VAT1L: variants seen among roughly 807,000 people sequenced by gnomAD.
VAT1L encodes the protein putative NADPH-dependent quinone oxidoreductase VAT1L.
Under a neutral mutation model 44.1 loss-of-function variants are expected in VAT1L, and 34 were observed. The ratio of observed to expected loss-of-function variants is 0.77; its 90% CI spans 0.59 to 1.03. VAT1L has a LOEUF of 1.03. VAT1L is among the 50% of genes least tolerant of loss of function. The probability of loss-of-function intolerance (pLI) is 0.00; values close to 1 mark genes in which losing one functional copy is unlikely to be tolerated. For synonymous variants in VAT1L, 253 were observed against 202.2 expected (o/e 1.25, Z -2.13); for missense variants, 615 against 538.8 (o/e 1.14, Z -1.40).
chr16:77,939,219 C>T (rs971908491), intron 7 of VAT1L, among the ~76,000 whole-genome samples: 4 of 152,310 alleles, frequency 2.6e-5, no homozygotes, highest in South Asian at 2.1e-4. Flanking sequence ...TAGGACTAAA[C>T]GCTTAACCAA....
chr16:77,838,379 A>G (rs2016663267), intron 3 of VAT1L, among the ~76,000 whole-genome samples: 1 of 152,166 alleles, frequency 6.6e-6, no homozygotes, highest in South Asian at 2.1e-4. Context: ...CTCTGTTCTC[A>G]CTGACACCCA....
rs1198704171 is a variant in VAT1L at position 77,879,899 on chromosome 16, G to T, written c.882+675G>T. ...TTGCTACTTTCTGACCAGGTCTCTGGGGGTACTTGAGATTTCTCTGTCTCC... is the reference window on the plus strand; with the variant it reads ...TTGCTACTTTCTGACCAGGTCTCTGTGGGTACTTGAGATTTCTCTGTCTCC... On this transcript the variant is annotated intron_variant, in intron 6 of 8. Transcript: ENST00000302536. This position sits in a 1 kb window ranked among gnomAD's most constrained non-coding sequence, Gnocchi z 4.1. 6.6e-6 allele frequency among the ~76,000 whole-genome samples: 1 copy of T among 152,114 alleles called. No homozygotes were observed. The highest frequency in any genetic ancestry group is 1.5e-5 in the Non-Finnish European group (1 of 68,036).
At chr16:77,901,775 G>C (rs899661591) in intron 7 of VAT1L, among the ~76,000 whole-genome samples, 2 of 152,046 alleles carry the variant, frequency 1.3e-5, no homozygotes, top group African/African-American at 4.8e-5. Context: ...AACCACTGTG[G>C]GTCACCCTCA....
chr16:77,825,567 C>G, intron 3 of VAT1L, 106 bp downstream of exon 3: 1 of 1,273,896 alleles, frequency 7.8e-7, no homozygotes, highest in Admixed American at 2.0e-5. Context: ...CAGGAATCAT[C>G]ACTATGGTTC....
At chr16:77,820,200 C>T (rs1337870307) in intron 2 of VAT1L, among the ~76,000 whole-genome samples, 1 of 152,086 alleles carries the variant, frequency 6.6e-6, no homozygotes, top group Admixed American at 6.6e-5. Flanking sequence ...AGGTAGACTC[C>T]CGCACCTGGT....
chr16:77,892,588 T>TC, intron 7 of VAT1L: 1 of 642,348 alleles, frequency 1.6e-6, no homozygotes, highest in South Asian at 1.4e-5. Flanking sequence ...TTCACAGAAT[T>TC]ATTCCAGGGT....
intron 1 of VAT1L, among the ~76,000 whole-genome samples, chr16:77,811,054 G>T (rs958818137): frequency 6.6e-6 from 1 of 152,162 alleles, no homozygotes; most frequent in African/African-American, 2.4e-5. Flanking sequence ...ATAGGATGAG[G>T]CTCTATAATC....
chr16:77,798,539 A>AGT (rs1749250324), intron 1 of VAT1L, among the ~76,000 whole-genome samples: 1 of 151,976 alleles, frequency 6.6e-6, no homozygotes, highest in South Asian at 2.1e-4. Context: ...GAATAAATGA[A>AGT]GTGTGTGTGC....
At position 77,979,916 on chromosome 16, in the gene VAT1L, G is replaced by A. The variant is rs1222357727; in HGVS notation, c.*2221G>A. ...CTGTCTCTTGATTGTTTTTTCTGAA[G>A]GAAGTGTAAAGAATGTCTCAGTCTG... On this transcript the variant is annotated 3_prime_UTR_variant, in exon 9 of 9. Transcript: ENST00000302536. 1.3e-5 allele frequency: 2 copies of A among 152,572 alleles called. No homozygotes were observed. Among genetic ancestry groups the A allele is most frequent in the African/African-American group, 4.8e-5 (2 of 41,424 alleles). 9.5% of individuals were successfully genotyped at this position (152,572 alleles called of 1,614,324 possible). A position where few individuals can be genotyped will look rare whatever the true frequency, so the allele number is the denominator to read the frequency against.
At chr16:77,801,977 C>G (rs2016065112) in intron 1 of VAT1L, among the ~76,000 whole-genome samples, 1 of 152,150 alleles carries the variant, frequency 6.6e-6, no homozygotes, top group Non-Finnish European at 1.5e-5. Flanking sequence ...CATCCATGCG[C>G]CCACCTTCCT....
rs991152163 is a variant in VAT1L, at chr16:77,975,381, T to C, written c.1162-2216T>C. Among the ~76,000 whole-genome samples, 47 of 151,762 alleles carry C rather than the reference T, an allele frequency of 3.1e-4. 1 individual carries two copies. Among genetic ancestry groups the C allele is most frequent in the African/African-American group, 1.1e-3 (45 of 41,304 alleles). On this transcript the variant is annotated intron_variant, in intron 8 of 8. Coordinates refer to ENST00000302536, the MANE Select transcript of VAT1L (RefSeq NM_020927.3). ...CTCACCACACCACACCTGGCTAATT[T>C]TTGTATTTTTAGTAGAGATGGGGTT...
intron 7 of VAT1L, among the ~76,000 whole-genome samples, chr16:77,925,549 T>C (rs1453539917): frequency 6.6e-6 from 1 of 152,180 alleles, no homozygotes; most frequent in Non-Finnish European, 1.5e-5. Flanking sequence ...GAACAAAAGA[T>C]TATTTCAGCT....
chr16:77,975,053 G>A (rs555769899), intron 8 of VAT1L, among the ~76,000 whole-genome samples: 1 of 152,142 alleles, frequency 6.6e-6, no homozygotes, highest in African/African-American at 2.4e-5. Flanking sequence ...ATCCAGTGAG[G>A]TCATTTTAGG....
intron 1 of VAT1L, among the ~76,000 whole-genome samples, chr16:77,802,694 G>A (rs534759073): frequency 1.4e-5 from 2 of 147,706 alleles, no homozygotes; most frequent in South Asian, 2.1e-4. Context: ...TTCATGGCAC[G>A]GACAAAACTT....
chr16:77,822,735 C>A (rs1472838567), intron 2 of VAT1L, among the ~76,000 whole-genome samples: 2 of 152,296 alleles, frequency 1.3e-5, no homozygotes, highest in East Asian at 3.9e-4. Context: ...GCTGTCGGAT[C>A]ATCACATTGA....
At chr16:77,834,763 A>G (rs1372392752) in intron 3 of VAT1L, among the ~76,000 whole-genome samples, 2 of 152,186 alleles carry the variant, frequency 1.3e-5, no homozygotes. Context: ...GCTTTTCTGC[A>G]TCCCAGACTG....
chr16:77,910,508 T>C (rs1156703735), intron 7 of VAT1L, among the ~76,000 whole-genome samples: 1 of 151,656 alleles, frequency 6.6e-6, no homozygotes, highest in Admixed American at 6.6e-5. Flanking sequence ...CCGTCTCTAC[T>C]AAAAATACAA....
At chr16:77,924,294 C>A (rs187321925) in intron 7 of VAT1L, among the ~76,000 whole-genome samples, 3 of 152,188 alleles carry the variant, frequency 2.0e-5, no homozygotes, top group Non-Finnish European at 2.9e-5. Flanking sequence ...CAGGACCACC[C>A]CAGCATCAAG....
At chr16:77,863,047 A>G (rs1430068883) in intron 4 of VAT1L, among the ~76,000 whole-genome samples, 157 bp downstream of exon 4, 1 of 152,214 alleles carries the variant, frequency 6.6e-6, no homozygotes, top group African/African-American at 2.4e-5. Flanking sequence ...CACACGCATT[A>G]GTTCATTTAA....
Sources: gnomAD v4.1 joint callset for allele counts (sites outside exome capture counted in the v4.1 genomes callset) on GRCh38, gnomAD v4.1.1 for gene constraint, Gnocchi (gnomAD v3.1) non-coding constraint, MANE v1.5 for transcripts, NCBI Gene and HGNC (gene_info 2026-07-23, HGNC 2026-07-21) for gene names.